The following THSD7B variants were observed in gnomAD, a reference collection of about 807,000 sequenced individuals.
The protein encoded by THSD7B is thrombospondin type-1 domain-containing protein 7B.
Under a neutral mutation model 213.6 loss-of-function variants are expected in THSD7B, and 138 were observed. That is an observed-to-expected ratio of 0.65 (90% CI 0.56 to 0.74). THSD7B has a LOEUF of 0.74. THSD7B is among the 30% of genes least tolerant of loss of function. THSD7B has a pLI of 0.00. For missense variants in THSD7B, 1,931 were observed against 1,991.5 expected (o/e 0.97, Z 0.58); for synonymous variants, 742 against 687.0 (o/e 1.08, Z -1.25).
intron 1 of THSD7B, among the ~76,000 whole-genome samples, chr2:136,768,216 C>A (rs1257695058): frequency 6.6e-6 from 1 of 152,154 alleles, no homozygotes; most frequent in Non-Finnish European, 1.5e-5. Context: ...GAAGGAATAA[C>A]TCTTTTGTTA....
At chr2:137,632,766 C>G (rs1573755249) in intron 20 of THSD7B, among the ~76,000 whole-genome samples, 6 of 152,260 alleles carry the variant, frequency 3.9e-5, no homozygotes, top group Admixed American at 3.9e-4. Flanking sequence ...TATCTAAGCC[C>G]CTTGACATCA....
chr2:137,393,017 T>G (rs1370514323), intron 12 of THSD7B, among the ~76,000 whole-genome samples: 1 of 152,108 alleles, frequency 6.6e-6, no homozygotes, highest in Non-Finnish European at 1.5e-5. Context: ...TAAAGATTTT[T>G]TGTAGAACCG....
chr2:137,016,867 G>A (rs751089083), intron 2 of THSD7B, among the ~76,000 whole-genome samples: 7 of 152,132 alleles, frequency 4.6e-5, no homozygotes, highest in Non-Finnish European at 8.8e-5. Context: ...CAAGATTGGC[G>A]TGAAAGATAG....
chr2:137,555,709 T>C (rs1312145506), intron 15 of THSD7B, among the ~76,000 whole-genome samples: 4 of 152,080 alleles, frequency 2.6e-5, no homozygotes, highest in South Asian at 4.2e-4. Flanking sequence ...CCTTAATGAG[T>C]TGAGAGAAGA....
intron 7 of THSD7B, among the ~76,000 whole-genome samples, chr2:137,219,377 CA>C (rs1681317972): frequency 6.6e-6 from 1 of 152,094 alleles, no homozygotes; most frequent in African/African-American, 2.4e-5. Flanking sequence ...ATGAGCTCTA[CA>C]AATTTTTCAT....
At chr2:136,897,715 G>A (rs529102336) in intron 2 of THSD7B, among the ~76,000 whole-genome samples, 1 of 152,308 alleles carries the variant, frequency 6.6e-6, no homozygotes, top group South Asian at 2.1e-4. Context: ...ACTGATTGGT[G>A]CATTTTTACA....
intron 15 of THSD7B, among the ~76,000 whole-genome samples, chr2:137,527,531 C>G (rs1488007838): frequency 6.6e-6 from 1 of 151,838 alleles, no homozygotes; most frequent in African/African-American, 2.4e-5. Context: ...AGCATTGCTC[C>G]CTCCATTTTG....
chr2:137,187,126 A>T (rs1215224546), intron 7 of THSD7B, among the ~76,000 whole-genome samples: 4 of 152,156 alleles, frequency 2.6e-5, no homozygotes, highest in Non-Finnish European at 5.9e-5. Flanking sequence ...TCACTAGGAG[A>T]TGTCATTTGA....
chr2:137,302,793 G>T (rs544049350), intron 12 of THSD7B, among the ~76,000 whole-genome samples: 2 of 152,218 alleles, frequency 1.3e-5, no homozygotes, highest in African/African-American at 4.8e-5. Context: ...AGAATGGATG[G>T]ATTTTATTTT....
intron 1 of THSD7B, among the ~76,000 whole-genome samples, chr2:136,872,022 G>T (rs778644949): frequency 2.6e-5 from 4 of 151,958 alleles, no homozygotes; most frequent in Non-Finnish European, 4.4e-5. Context: ...TCAGCAGGAT[G>T]TTAGAGGCAC....
At chr2:136,883,374 G>A (rs915376720) in intron 2 of THSD7B, among the ~76,000 whole-genome samples, 5 of 150,684 alleles carry the variant, frequency 3.3e-5, no homozygotes, top group African/African-American at 1.2e-4. Context: ...TAGAGATACA[G>A]TCTGGATGAA....
chr2:136,894,194 T>G (rs991915096), intron 2 of THSD7B, among the ~76,000 whole-genome samples: 10 of 152,248 alleles, frequency 6.6e-5, no homozygotes, highest in African/African-American at 2.2e-4. Flanking sequence ...ATTTTCTAAT[T>G]GAATGCAGCT....
chr2:137,242,659 G>A (rs1414052122), intron 10 of THSD7B, 87 bp downstream of exon 10: 1 of 885,162 alleles, frequency 1.1e-6, no homozygotes, highest in Non-Finnish European at 1.7e-6. Flanking sequence ...TGGAATGTGA[G>A]CACCTTTTTT....
At chr2:137,560,263 T>C (rs2105220010) in intron 15 of THSD7B, among the ~76,000 whole-genome samples, 1 of 152,254 alleles carries the variant, frequency 6.6e-6, no homozygotes, top group Non-Finnish European at 1.5e-5. Flanking sequence ...CATGCACACG[T>C]GTGTTTATTG....
intron 14 of THSD7B, among the ~76,000 whole-genome samples, chr2:137,448,839 A>C (rs1350696343): frequency 1.4e-5 from 2 of 138,230 alleles, no homozygotes; most frequent in African/African-American, 3.2e-5. Flanking sequence ...ACAACAACAA[A>C]AACTACCCTT....
intron 10 of THSD7B, among the ~76,000 whole-genome samples, chr2:137,251,879 G>A (rs1424497876): frequency 6.6e-6 from 1 of 152,176 alleles, no homozygotes. Flanking sequence ...TAGACCAACA[G>A]ATTGTTTGAG....
rs1176561905 is a variant in THSD7B at position 137,534,247 on chromosome 2, G to A, written c.3139-28974G>A. On this transcript the variant is annotated intron_variant, in intron 15 of 27. Coordinates refer to ENST00000409968, the MANE Select transcript of THSD7B (RefSeq NM_001316349.2). ...TACCTATTTATGAAGGGGTAAAGAGGATTAATGAGAATAAGGGTTCTAACA... is the reference window on the plus strand; with the variant it reads ...TACCTATTTATGAAGGGGTAAAGAGAATTAATGAGAATAAGGGTTCTAACA... 3.3e-5 allele frequency among the ~76,000 whole-genome samples: 5 copies of A among 151,690 alleles called. No individual in the cohort carries two copies. In the South Asian group the frequency reaches 1.0e-3, roughly 32 times the overall value.
intron 14 of THSD7B, among the ~76,000 whole-genome samples, chr2:137,449,481 G>A (rs1479544302): frequency 3.3e-5 from 5 of 152,196 alleles, no homozygotes; most frequent in Non-Finnish European, 7.3e-5. Context: ...GGCTTCACTT[G>A]GTTAAAATCA....
intron 1 of THSD7B, among the ~76,000 whole-genome samples, chr2:136,872,100 T>A (rs1683438781): frequency 6.6e-6 from 1 of 152,206 alleles, no homozygotes; most frequent in African/African-American, 2.4e-5. Context: ...GTGACATAGA[T>A]ACTGTGGGAC....
Sources: allele counts gnomAD v4.1 joint callset (sites outside exome capture counted in the v4.1 genomes callset), GRCh38; gene constraint gnomAD v4.1.1; transcripts MANE v1.5; gene names NCBI Gene and HGNC (gene_info 2026-07-23, HGNC 2026-07-21).